The following PTPN1 variants were observed in gnomAD, a reference collection of about 807,000 sequenced individuals.
PTPN1 encodes the protein protein tyrosine phosphatase non-receptor type 1.
PTPN1 carries 12 observed loss-of-function variants against 59.9 expected under a neutral mutation model. That is an observed-to-expected ratio of 0.20 (90% CI 0.13 to 0.32). PTPN1 has a LOEUF of 0.32. Ranked by LOEUF, PTPN1 falls within the 10% of genes least tolerant of loss-of-function variation. The pLI is 1.00. For missense variants in PTPN1, 356 were observed against 549.2 expected (o/e 0.65, Z 3.52); for synonymous variants, 178 against 203.6 (o/e 0.87, Z 1.07).
intron 1 of PTPN1, 108 bp downstream of exon 1, chr20:50,510,698 C>T: frequency 3.4e-6 from 4 of 1,177,286 alleles, no homozygotes; most frequent in Non-Finnish European, 4.7e-6. Context: ...CTGCCTCGCT[C>T]CTACTGCTTG....
At position 50,531,095 on chromosome 20, in the gene PTPN1, A is replaced by G. The variant is rs1429356341; in HGVS notation, c.63+20505A>G. Among the ~76,000 whole-genome samples, 4 of 152,254 alleles carry G rather than the reference A, an allele frequency of 2.6e-5. No homozygotes were observed. In the East Asian group the frequency reaches 5.8e-4, roughly 22 times the overall value. ...GAAGGGAACCCTTTTCTTCTGGTCC[A>G]GCGTCTTTCCTCTGATGGGCTACTT... On this transcript the variant is annotated intron_variant, in intron 1 of 9. Coordinates refer to ENST00000371621, the MANE Select transcript of PTPN1 (RefSeq NM_002827.4).
chr20:50,585,036 T>G lies in PTPN1; in HGVS notation c.*2321T>G, dbSNP rs911022364. 3.3e-5 allele frequency: 5 copies of G among 152,166 alleles called. No homozygotes were observed. The highest frequency in any genetic ancestry group is 1.2e-4 in the African/African-American group (5 of 41,442). The allele number at this position is 152,166 out of a possible 1,614,324, so 9.4% of individuals were successfully genotyped here. A position where few individuals can be genotyped will look rare whatever the true frequency, so the allele number is the denominator to read the frequency against. On this transcript the variant is annotated 3_prime_UTR_variant, in exon 10 of 10. Coordinates refer to ENST00000371621, the MANE Select transcript of PTPN1 (RefSeq NM_002827.4). ...GCCTGTGTAGGGCCCTCAGATAACTTAACAAACTTACCAGTGTTGTTTGAA... is the reference window on the plus strand; with the variant it reads ...GCCTGTGTAGGGCCCTCAGATAACTGAACAAACTTACCAGTGTTGTTTGAA...
intron 9 of PTPN1, among the ~76,000 whole-genome samples, chr20:50,581,991 C>T (rs75565222): frequency 0.023 from 3,578 of 152,276 alleles, 120 homozygotes; most frequent in African/African-American, 0.078. Flanking sequence ...AGGGTTAGGA[C>T]GCTGTTGCGC....
chr20:50,572,588 G>A (rs2082816441), intron 4 of PTPN1: 1 of 152,184 alleles, frequency 6.6e-6, no homozygotes, highest in Non-Finnish European at 1.5e-5. Flanking sequence ...CCCTGCTTAT[G>A]AGATGAGGAA....
intron 1 of PTPN1, among the ~76,000 whole-genome samples, chr20:50,543,269 G>C (rs1416154227): frequency 6.6e-6 from 1 of 152,186 alleles, no homozygotes. Flanking sequence ...CTTACAGAAG[G>C]ACAAAGGAGC....
intron 9 of PTPN1, among the ~76,000 whole-genome samples, chr20:50,581,674 A>G (rs1209745107): frequency 6.6e-6 from 1 of 152,200 alleles, no homozygotes; most frequent in Non-Finnish European, 1.5e-5. Flanking sequence ...TCCCAAGAAT[A>G]TAAGAGTCTA....
intron 1 of PTPN1, among the ~76,000 whole-genome samples, chr20:50,558,797 C>T (rs1001343596): frequency 6.6e-6 from 1 of 152,156 alleles, no homozygotes; most frequent in Non-Finnish European, 1.5e-5. Flanking sequence ...CCAATCCAGC[C>T]TGCTCGCTTC....
At chr20:50,559,111 A>C (rs1232237025) in intron 1 of PTPN1, among the ~76,000 whole-genome samples, 1 of 145,530 alleles carries the variant, frequency 6.9e-6, no homozygotes, top group Non-Finnish European at 1.5e-5. Flanking sequence ...GGCTCACTGC[A>C]ACCTCCACCT....
Position 50,510,610 on chromosome 20 carries a change from C to T in PTPN1, c.63+20C>T, listed in dbSNP as rs917561019. ...TACCAGGTGCGGGAGCGCCCCGGAGCGTGGCGGGCCCTTCGCTTAGGCCGC... is the reference window on the plus strand; with the variant it reads ...TACCAGGTGCGGGAGCGCCCCGGAGTGTGGCGGGCCCTTCGCTTAGGCCGC... On this transcript the variant is annotated intron_variant, in intron 1 of 9. Transcript: ENST00000371621. 5.2e-6 allele frequency: 8 copies of T among 1,549,486 alleles called. No homozygotes were observed. Among genetic ancestry groups the T allele is most frequent in the South Asian group, 1.2e-5 (1 of 83,848 alleles).
chr20:50,548,598 G>A (rs963113731), intron 1 of PTPN1, among the ~76,000 whole-genome samples: 1 of 151,984 alleles, frequency 6.6e-6, no homozygotes, highest in Admixed American at 6.6e-5. Context: ...CAGCTGATTT[G>A]TCTTACTATG....
chr20:50,577,990 C>G (rs2082845548), intron 5 of PTPN1: 1 of 159,308 alleles, frequency 6.3e-6, no homozygotes, highest in South Asian at 1.8e-4. Flanking sequence ...AAGCCCCCGT[C>G]TGAAAGTTGC....
chr20:50,569,866 C>T (rs909619094), intron 4 of PTPN1, among the ~76,000 whole-genome samples: 2 of 152,272 alleles, frequency 1.3e-5, no homozygotes, highest in African/African-American at 4.8e-5. Flanking sequence ...GGGCCACAGG[C>T]TCCTCGGCCT....
At chr20:50,541,240 T>A (rs2082650765) in intron 1 of PTPN1, among the ~76,000 whole-genome samples, 1 of 152,212 alleles carries the variant, frequency 6.6e-6, no homozygotes, top group South Asian at 2.1e-4. Flanking sequence ...CAAAGTTGAC[T>A]TGGTCACTGG....
intron 1 of PTPN1, among the ~76,000 whole-genome samples, chr20:50,516,468 A>C (rs2082529403): frequency 6.6e-6 from 1 of 152,174 alleles, no homozygotes; most frequent in South Asian, 2.1e-4. Context: ...CAAGTAATAA[A>C]AATCCTTAAT....
intron 1 of PTPN1, among the ~76,000 whole-genome samples, chr20:50,526,839 G>T (rs2082578209): frequency 1.3e-5 from 2 of 151,884 alleles, no homozygotes; most frequent in South Asian, 4.2e-4. Flanking sequence ...ACCACCTCTA[G>T]CCCTGGAGCA....
intron 1 of PTPN1, among the ~76,000 whole-genome samples, chr20:50,525,454 C>A (rs2082570475): frequency 6.6e-6 from 1 of 152,228 alleles, no homozygotes; most frequent in Non-Finnish European, 1.5e-5. Context: ...TTATTAAATT[C>A]TTCGCTTGCC....
At chr20:50,562,949 A>G (rs1164206914) in intron 2 of PTPN1, 1 of 152,026 alleles carries the variant, frequency 6.6e-6, no homozygotes, top group Non-Finnish European at 1.5e-5. Context: ...TCTTATCTAA[A>G]TGGTTTTATG....
intron 1 of PTPN1, 73 bp downstream of exon 1, chr20:50,510,663 C>T: frequency 6.8e-7 from 1 of 1,472,616 alleles, no homozygotes; most frequent in South Asian, 1.2e-5. Context: ...CCTCCAGGCC[C>T]CAGACTCCCT....
intron 1 of PTPN1, among the ~76,000 whole-genome samples, chr20:50,540,116 C>T (rs1329666990): frequency 6.6e-6 from 1 of 152,068 alleles, no homozygotes; most frequent in African/African-American, 2.4e-5. Context: ...AGTGCAATGG[C>T]GTGATCTCGG....
Sources: allele counts gnomAD v4.1 joint callset (sites outside exome capture counted in the v4.1 genomes callset), GRCh38; gene constraint gnomAD v4.1.1; transcripts MANE v1.5; gene names NCBI Gene and HGNC (gene_info 2026-07-23, HGNC 2026-07-21).